The following DLG2 variants were observed in gnomAD, a reference collection of about 807,000 sequenced individuals.
DLG2 encodes the protein discs large MAGUK scaffold protein 2, also known as disks large homolog 2.
In DLG2, 45 loss-of-function variants were observed where a neutral mutation model predicts 132.5. The observed-to-expected ratio is 0.34, with a 90% CI of 0.27 to 0.44. The LOEUF is 0.44. DLG2 is among the 20% of genes least tolerant of loss of function. The pLI is 1.00. For synonymous variants in DLG2, 424 were observed against 419.6 expected (o/e 1.01, Z -0.13); for missense variants, 1,045 against 1,196.9 (o/e 0.87, Z 1.87).
At chr11:84,146,714 C>T (rs1376188664) in intron 9 of DLG2, among the ~76,000 whole-genome samples, 2 of 152,062 alleles carry the variant, frequency 1.3e-5, no homozygotes, top group Non-Finnish European at 2.9e-5. Flanking sequence ...TTGTATAAAG[C>T]CCCACTTGTT....
At chr11:84,734,927 T>C (rs905114903) in intron 6 of DLG2, among the ~76,000 whole-genome samples, 1 of 152,222 alleles carries the variant, frequency 6.6e-6, no homozygotes, top group African/African-American at 2.4e-5. Context: ...TCTGTTTATA[T>C]GTTGGATTAT....
At chr11:84,991,451 G>A (rs2057093098) in intron 6 of DLG2, among the ~76,000 whole-genome samples, 1 of 145,124 alleles carries the variant, frequency 6.9e-6, no homozygotes, top group East Asian at 2.1e-4. Context: ...GGAGGTTGCA[G>A]TGAGCCATGA....
At chr11:84,440,944 C>G (rs1227387258) in intron 7 of DLG2, among the ~76,000 whole-genome samples, 1 of 151,996 alleles carries the variant, frequency 6.6e-6, no homozygotes, top group East Asian at 1.9e-4. Context: ...AAAATTCAAT[C>G]CAAGGAATTA....
intron 7 of DLG2, among the ~76,000 whole-genome samples, chr11:84,442,706 AAAAGAAAG>A (rs56224511): frequency 2.4e-4 from 36 of 148,980 alleles, no homozygotes; most frequent in East Asian, 1.8e-3. Context: ...TAATTAAAAA[AAAAGAAAG>A]AAAGAAAGAA....
intron 3 of DLG2, among the ~76,000 whole-genome samples, chr11:85,567,978 T>C (rs1454644819): frequency 2.0e-5 from 3 of 151,886 alleles, no homozygotes; most frequent in Non-Finnish European, 4.4e-5. Flanking sequence ...TAAATCTCAA[T>C]CCCTCATAGT....
intron 6 of DLG2, among the ~76,000 whole-genome samples, chr11:85,081,642 T>G (rs1474175984): frequency 6.6e-6 from 1 of 152,198 alleles, no homozygotes; most frequent in Non-Finnish European, 1.5e-5. Context: ...TGGCTGGTCT[T>G]GCAGTAGACT....
intron 18 of DLG2, chr11:83,645,719 A>G (rs2067963222): frequency 6.6e-6 from 1 of 152,124 alleles, no homozygotes; most frequent in Non-Finnish European, 1.5e-5. Flanking sequence ...TGAGGATCAG[A>G]AAGCTGACTC....
chr11:85,045,086 C>T (rs1243143832), intron 6 of DLG2, among the ~76,000 whole-genome samples: 1 of 152,002 alleles, frequency 6.6e-6, no homozygotes, highest in Non-Finnish European at 1.5e-5. Context: ...CCCACCTGCA[C>T]CCTTCTTCCT....
At chr11:85,302,017 C>T (rs541686988) in intron 3 of DLG2, among the ~76,000 whole-genome samples, 3 of 152,242 alleles carry the variant, frequency 2.0e-5, no homozygotes, top group South Asian at 2.1e-4. Flanking sequence ...ACACTCAGCA[C>T]AAAATTATCT....
At chr11:85,087,844 C>CAAAAAAAAAAAAAAAAAAAAA (rs71465019) in intron 6 of DLG2, among the ~76,000 whole-genome samples, 3 of 22,056 alleles carry the variant, frequency 1.4e-4, no homozygotes, top group Admixed American at 5.2e-4. Context: ...GACTCCGTCT[C>CAAAAAAAAAAAAAAAAAAAAA]AAAAAAAAAA....
intron 3 of DLG2, among the ~76,000 whole-genome samples, chr11:85,581,510 C>G (rs956310724): frequency 1.3e-5 from 2 of 151,646 alleles, no homozygotes; most frequent in African/African-American, 4.8e-5. Flanking sequence ...CCTAGCTACT[C>G]GGGAGGCTGA....
At chr11:84,980,590 A>G (rs1326275282) in intron 6 of DLG2, among the ~76,000 whole-genome samples, 1 of 152,116 alleles carries the variant, frequency 6.6e-6, no homozygotes, top group Non-Finnish European at 1.5e-5. Context: ...AAGAAACCCC[A>G]AACAGGGTTC....
intron 17 of DLG2, chr11:83,814,505 A>G (rs2048292991): frequency 4.7e-6 from 1 of 211,920 alleles, no homozygotes; most frequent in Non-Finnish European, 1.0e-5. Flanking sequence ...GTGCTCCTTT[A>G]CAAATGGGCC....
chr11:85,301,348 T>C (rs1324245735), intron 3 of DLG2, among the ~76,000 whole-genome samples: 2 of 152,128 alleles, frequency 1.3e-5, no homozygotes, highest in African/African-American at 4.8e-5. Flanking sequence ...TGTCAGTAAA[T>C]TTTATATCAT....
chr11:83,611,696 G>A (rs1302061566), intron 19 of DLG2, among the ~76,000 whole-genome samples: 1 of 152,120 alleles, frequency 6.6e-6, no homozygotes, highest in Non-Finnish European at 1.5e-5. Context: ...TACCTCTAAA[G>A]GTTAATTATG....
intron 2 of DLG2, among the ~76,000 whole-genome samples, chr11:85,599,727 G>A (rs949952495): frequency 3.3e-5 from 5 of 152,140 alleles, no homozygotes; most frequent in African/African-American, 1.2e-4. Context: ...CATCTCTGAT[G>A]GTTAAAATTA....
intron 19 of DLG2, among the ~76,000 whole-genome samples, chr11:83,582,652 T>C (rs2097001955): frequency 6.6e-6 from 1 of 152,240 alleles, no homozygotes; most frequent in Non-Finnish European, 1.5e-5. Flanking sequence ...GTGGGATATA[T>C]AAGTCTGCTA....
chr11:84,336,711 A>G (rs1056563885), intron 7 of DLG2, among the ~76,000 whole-genome samples: 1 of 152,204 alleles, frequency 6.6e-6, no homozygotes, highest in Non-Finnish European at 1.5e-5. Context: ...AGCCAAGTCT[A>G]GGAAAACAGC....
intron 6 of DLG2, among the ~76,000 whole-genome samples, chr11:84,981,279 A>T (rs1210618175): frequency 6.6e-6 from 1 of 152,240 alleles, no homozygotes; most frequent in East Asian, 1.9e-4. Flanking sequence ...GCAGAAAGAA[A>T]TAGCATTTAT....
Sources: allele counts gnomAD v4.1 joint callset (sites outside exome capture counted in the v4.1 genomes callset), GRCh38; gene constraint gnomAD v4.1.1; transcripts MANE v1.5; gene names NCBI Gene and HGNC (gene_info 2026-07-23, HGNC 2026-07-21).